Variants in TSC2 observed in about 807,000 individuals in gnomAD.
The protein encoded by TSC2 is tuberin.
In TSC2, 29 loss-of-function variants were observed where a neutral mutation model predicts 202.2. That is an observed-to-expected ratio of 0.14 (90% CI 0.11 to 0.20). The LOEUF (loss-of-function observed/expected upper bound fraction) is 0.20. TSC2 is among the 10% of genes least tolerant of loss of function. TSC2 has a pLI of 1.00. For missense variants in TSC2, 2,429 were observed against 2,420.0 expected, an observed-to-expected ratio of 1.00 and a Z score of -0.08; for synonymous variants, 1,349 against 1,044.0, an observed-to-expected ratio of 1.29 and a Z score of -5.63.
At chr16:2,063,748 G>GGCCCTCT in intron 14 of TSC2, 12 of 233,684 alleles carry the variant, frequency 5.1e-5, no homozygotes, top group East Asian at 3.3e-4. Flanking sequence ...AGTTCCTCTG[G>GGCCCTCT]GTCCTCTGGC....
chr16:2,068,254 G>T (rs1007989221), intron 16 of TSC2, among the ~76,000 whole-genome samples: 41 of 152,202 alleles, frequency 2.7e-4, no homozygotes, highest in African/African-American at 5.5e-4. Context: ...TGGCCAGGCT[G>T]GTCTCAATCT....
chr16:2,076,131 C>G lies in TSC2; in HGVS notation c.2703C>G (p.Arg901=), dbSNP rs2151388104. 6.2e-7 allele frequency: 1 copy of G among 1,613,878 alleles called. No homozygotes were observed. Among genetic ancestry groups the G allele is most frequent in the Non-Finnish European group, 8.5e-7 (1 of 1,180,038 alleles). ...TAGCCATGTGGTTCATCAGGTGCCGCCTGCCCTTCCGGAAGGATTTTGTCC... is the reference window on the plus strand; with the variant it reads ...TAGCCATGTGGTTCATCAGGTGCCGGCTGCCCTTCCGGAAGGATTTTGTCC... The part of the protein sequence containing the change: ...HVIAMWFIRC[R]LPFRKDFVPF... The change falls in exon 24 of 42, where the codon CGC becomes CGG. Residue 901 remains arginine (R), a synonymous_variant. Coordinates refer to ENST00000219476, the MANE Select transcript of TSC2 (RefSeq NM_000548.5).
In TSC2 at chr16:2,059,182, C is replaced by G. The variant is rs571552952; in HGVS notation, c.975+309C>G. Among the ~76,000 whole-genome samples, 491 of 151,526 alleles carry G rather than the reference C, an allele frequency of 3.2e-3. 3 individuals are homozygous for G. Among genetic ancestry groups the G allele is most frequent in the Non-Finnish European group, 4.8e-3 (325 of 67,860 alleles). ...TACAGGTGCCTGGTACCATGCCTGG[C>G]TAATTTTGTGTTTTTAGTAGAGACG... On this transcript the variant is annotated intron_variant, in intron 10 of 41. Transcript: ENST00000219476.
chr16:2,062,447 A>C (rs770216695), intron 12 of TSC2, 50 bp from the exon 13 acceptor site: 1 of 1,530,582 alleles, frequency 6.5e-7, no homozygotes, highest in East Asian at 2.4e-5. Context: ...AGTGTGGAGA[A>C]GGAGAGCGCC....
In TSC2 at chr16:2,089,307, T is replaced by C. The variant is rs752613073; in HGVS notation, c.*697T>C. The C allele has an allele frequency of 3.4e-5, 9 of 261,466 alleles. No homozygotes were observed. The highest frequency in any genetic ancestry group is 6.6e-5 in the Non-Finnish European group (9 of 136,298). The allele number at this position is 261,466 out of a possible 1,614,324, so 16.2% of individuals were successfully genotyped here. ...TGACACGAGACACACAGTGAGACGG[T>C]GCAGGGAGTACGGTAGGAACTGGAG... On this transcript the variant is annotated 3_prime_UTR_variant, in exon 42 of 42. Coordinates refer to ENST00000219476, the MANE Select transcript of TSC2 (RefSeq NM_000548.5).
At chr16:2,080,573 T>A in intron 30 of TSC2, 196 bp downstream of exon 30, 1 of 659,000 alleles carries the variant, frequency 1.5e-6, no homozygotes, top group Non-Finnish European at 2.5e-6. Flanking sequence ...AAGCTCCACC[T>A]CCCGGGTTCA....
chr16:2,048,066 G>T lies in TSC2; in HGVS notation c.-30+1G>T, dbSNP rs587778004. 3.5e-6 allele frequency: 5 copies of T among 1,427,888 alleles called. No homozygotes were observed. The African/African-American group carries it at 4.5e-5, about 13-fold the overall frequency. 88.5% of individuals were successfully genotyped at this position (1,427,888 alleles called of 1,614,324 possible). A position where few individuals can be genotyped will look rare whatever the true frequency, so the allele number is the denominator to read the frequency against. On this transcript the variant is annotated splice_donor_variant, in intron 1 of 41. Coordinates refer to ENST00000219476, the MANE Select transcript of TSC2 (RefSeq NM_000548.5). LOFTEE classifies it low-confidence loss of function (5UTR_SPLICE). ...CCGGAGCGCGGTGGCGCGGCGCGGG[G>T]TAAGTGGCGGTCCCCACGGGGCAAG...
chr16:2,086,673 A>G (rs921372543), intron 37 of TSC2, 59 bp from the exon 38 acceptor site: 78 of 1,600,670 alleles, frequency 4.9e-5, no homozygotes, highest in Non-Finnish European at 6.0e-5. Flanking sequence ...GCCCCAGTGC[A>G]AGGCACAGAG....
intron 15 of TSC2, chr16:2,064,852 G>A (rs2087101447): frequency 3.7e-6 from 1 of 273,188 alleles, no homozygotes; most frequent in Non-Finnish European, 7.2e-6. Flanking sequence ...AGTGGCTCAC[G>A]CCTGTAATCC....
chr16:2,053,555 G>A (rs996737006), intron 4 of TSC2, 103 bp downstream of exon 4: 2 of 1,198,768 alleles, frequency 1.7e-6, no homozygotes, highest in Admixed American at 2.0e-5. Context: ...GAGTTGCTGG[G>A]CACAGGGTCT....
In TSC2 at chr16:2,069,942, C is replaced by T. The variant is rs115402969; in HGVS notation, c.1717-514C>T. Among the ~76,000 whole-genome samples the T allele has an allele frequency of 7.1e-3, 1,078 of 152,252 alleles. 11 individuals carry two copies. Among genetic ancestry groups the T allele is most frequent in the African/African-American group, 0.024 (1,005 of 41,536 alleles). ...TCATTTCTTTCAATGATTTTTTAAT[C>T]ATTTAAAGGTGTTAATCATTTCTTT... On this transcript the variant is annotated intron_variant, in intron 16 of 41. Transcript: ENST00000219476.
In TSC2 at chr16:2,075,355, T is replaced by C. The variant is rs374960073; in HGVS notation, c.2546-444T>C. ...ATCTGGCGAACACGGTGAAACCCCGTCTCTAATAAAAATACAAAAAAACTA... is the reference window on the plus strand; with the variant it reads ...ATCTGGCGAACACGGTGAAACCCCGCCTCTAATAAAAATACAAAAAAACTA... On this transcript the variant is annotated intron_variant, in intron 22 of 41. Coordinates refer to ENST00000219476, the MANE Select transcript of TSC2 (RefSeq NM_000548.5). 2.1e-5 allele frequency: 4 copies of C among 189,308 alleles called. No homozygotes were observed. In the East Asian group the frequency reaches 4.0e-4, roughly 19 times the overall value. 11.7% of individuals were successfully genotyped at this position (189,308 alleles called of 1,614,324 possible).
chr16:2,081,080 T>C (rs1310236191), intron 30 of TSC2: 1 of 237,874 alleles, frequency 4.2e-6, no homozygotes, highest in Non-Finnish European at 8.4e-6. Flanking sequence ...TCCGCTCTGG[T>C]CCCTTGCTAG....
chr16:2,078,956 G>T (rs2089774574), intron 26 of TSC2, 76 bp from the exon 27 acceptor site: 2 of 1,597,240 alleles, frequency 1.3e-6, no homozygotes, highest in Non-Finnish European at 1.7e-6. Context: ...CATGCGTTGA[G>T]CTTTGGCCCT....
At chr16:2,086,123 A>ACC in intron 36 of TSC2, 70 bp from the exon 37 acceptor site, 1 of 1,582,144 alleles carries the variant, frequency 6.3e-7, no homozygotes, top group Admixed American at 1.7e-5. Context: ...CCTGCTGGGC[A>ACC]CCCCCACCCT....
At chr16:2,071,193 C>A (rs573436542) in intron 17 of TSC2, among the ~76,000 whole-genome samples, 1 of 152,226 alleles carries the variant, frequency 6.6e-6, no homozygotes, top group Non-Finnish European at 1.5e-5. Context: ...GCTCCGCTTT[C>A]TGGCAGTTGG....
intron 2 of TSC2, among the ~76,000 whole-genome samples, chr16:2,050,115 C>T (rs1262621208): frequency 6.6e-6 from 1 of 151,998 alleles, no homozygotes; most frequent in Non-Finnish European, 1.5e-5. Context: ...ACCACCACGC[C>T]CAGCAAATTT....
At position 2,079,533 on chromosome 16, in the gene TSC2, C is replaced by G. The variant is rs376375917; in HGVS notation, c.3285-24C>G. On this transcript the variant is annotated intron_variant, in intron 28 of 41. Coordinates refer to ENST00000219476, the MANE Select transcript of TSC2 (RefSeq NM_000548.5). The surrounding 1 kb of genome is among the most constrained non-coding windows in gnomAD (Gnocchi z 4.6). ...TACCAGCCTGGGGACTAAGTCCACCCTGTGCGTGGGATTCTCTTCTCAGCT... is the reference window on the plus strand; with the variant it reads ...TACCAGCCTGGGGACTAAGTCCACCGTGTGCGTGGGATTCTCTTCTCAGCT... 2.4e-5 allele frequency: 38 copies of G among 1,606,384 alleles called. No homozygotes were observed. The African/African-American group carries it at 4.1e-4, about 17-fold the overall frequency.
At chr16:2,058,907 G>A (rs1291352405) in intron 10 of TSC2, 34 bp downstream of exon 10, 2 of 1,597,308 alleles carry the variant, frequency 1.3e-6, no homozygotes, top group African/African-American at 2.7e-5. Context: ...GAGCTGGCAG[G>A]AACGGGAGAG....
Sources: allele counts gnomAD v4.1 joint callset (sites outside exome capture counted in the v4.1 genomes callset), GRCh38; gene constraint gnomAD v4.1.1; non-coding constraint Gnocchi (gnomAD v3.1); transcripts MANE v1.5; gene names NCBI Gene and HGNC (gene_info 2026-07-23, HGNC 2026-07-21).